EFR3B: variants seen among roughly 807,000 people sequenced by gnomAD.
EFR3B encodes the protein EFR3 homolog B.
A neutral mutation model predicts 104.7 loss-of-function variants in EFR3B; 64 were observed. That is an observed-to-expected ratio of 0.61 (90% CI 0.50 to 0.75). The LOEUF (loss-of-function observed/expected upper bound fraction) is 0.75. EFR3B is among the 30% of genes least tolerant of loss of function. The pLI, the probability that EFR3B is intolerant of heterozygous loss-of-function variation, is 0.00. For missense variants in EFR3B, 750 were observed against 1,078.5 expected (o/e 0.70, Z 4.27); for synonymous variants, 385 against 417.9 (o/e 0.92, Z 0.96).
In EFR3B at chr2:25,137,976, A is replaced by AC. The variant is rs1670564888; in HGVS notation, c.1722+474_1722+475insC. Reference sequence around the variant, plus strand: ...CACTTGAGGTCAGGAGTTCAAGACCAGCCTGGCCAACATGGTGAAACCCCG... The same window carrying AC: ...CACTTGAGGTCAGGAGTTCAAGACCACGCCTGGCCAACATGGTGAAACCCCG... On this transcript the variant is annotated intron_variant, in intron 15 of 22. Transcript: ENST00000403714. This position sits in a 1 kb window ranked among gnomAD's most constrained non-coding sequence, Gnocchi z 4.7. 1.3e-5 allele frequency among the ~76,000 whole-genome samples: 2 copies of AC among 152,128 alleles called. No individual in the cohort carries two copies. The highest frequency in any genetic ancestry group is 2.9e-5 in the Non-Finnish European group (2 of 68,016).
At chr2:25,145,120 C>T in intron 19 of EFR3B, 69 bp downstream of exon 19, 9 of 1,405,338 alleles carry the variant, frequency 6.4e-6, no homozygotes, top group Non-Finnish European at 8.9e-6. Flanking sequence ...CTCCAGGCTC[C>T]CCTGCCTGCA....
chr2:25,082,397 A>C (rs990539758), intron 1 of EFR3B, among the ~76,000 whole-genome samples: 1 of 152,132 alleles, frequency 6.6e-6, no homozygotes, highest in East Asian at 1.9e-4. Context: ...GCCTGGAGAG[A>C]GACTGGTCCC....
chr2:25,075,724 G>T (rs1353102576), intron 1 of EFR3B, among the ~76,000 whole-genome samples: 1 of 152,184 alleles, frequency 6.6e-6, no homozygotes, highest in Admixed American at 6.5e-5. Context: ...TAAGAGCCTA[G>T]GTTTAGTGCC....
rs1381533436 is a variant in EFR3B, at chr2:25,136,366, C to G, written c.1485-157C>G. 6.6e-6 allele frequency among the ~76,000 whole-genome samples: 1 copy of G among 152,132 alleles called. No homozygotes were observed. Among genetic ancestry groups the G allele is most frequent in the Non-Finnish European group, 1.5e-5 (1 of 68,030 alleles). The stretch of plus-strand genomic sequence containing the variant: ...AGATAAAGGGACAAATTCTTGAGAA[C>G]TTGGGAGGAAAAGGTAATCGGGCTG... On this transcript the variant is annotated intron_variant, in intron 13 of 22. Coordinates refer to ENST00000403714, the MANE Select transcript of EFR3B (RefSeq NM_014971.2). The surrounding 1 kb of genome is among the most constrained non-coding windows in gnomAD (Gnocchi z 4.0).
chr2:25,047,363 A>T (rs1667750764), intron 1 of EFR3B, among the ~76,000 whole-genome samples: 1 of 152,034 alleles, frequency 6.6e-6, no homozygotes, highest in African/African-American at 2.4e-5. Context: ...AGCATTTCTG[A>T]GCCTCTTTCC....
chr2:25,156,246 TTGTGGTCACCATCTCTGC>T lies in EFR3B; in HGVS notation c.*1912_*1929del, dbSNP rs1187226751. The T allele has an allele frequency of 6.6e-6, 1 of 152,016 alleles. No individual in the cohort carries two copies. Among genetic ancestry groups the T allele is most frequent in the Non-Finnish European group, 1.5e-5 (1 of 67,984 alleles). 9.4% of individuals were successfully genotyped at this position (152,016 alleles called of 1,614,324 possible). A position where few individuals can be genotyped will look rare whatever the true frequency, so the allele number is the denominator to read the frequency against. On this transcript the variant is annotated 3_prime_UTR_variant, in exon 23 of 23. Coordinates refer to ENST00000403714, the MANE Select transcript of EFR3B (RefSeq NM_014971.2). ...TTGGCACTTCAAATGAAGCTCTTCC[TTGTGGTCACCATCTCTGC>T]TGTGGGCACACAGCTTCTTTTTCTT...
At chr2:25,151,801 C>G (rs1671016578) in intron 20 of EFR3B, 113 bp from the exon 21 acceptor site, 2 of 1,245,796 alleles carry the variant, frequency 1.6e-6, no homozygotes, top group Non-Finnish European at 1.1e-6. Context: ...GTCCCCTACT[C>G]TTCAGAAGAG....
At chr2:25,079,826 A>G (rs920255789) in intron 1 of EFR3B, 7 of 804,514 alleles carry the variant, frequency 8.7e-6, no homozygotes, top group African/African-American at 1.7e-5. Flanking sequence ...ACCAAAAAGA[A>G]CAATAACACA....
chr2:25,088,775 C>A (rs1669030055), intron 1 of EFR3B, among the ~76,000 whole-genome samples: 1 of 152,186 alleles, frequency 6.6e-6, no homozygotes, highest in Non-Finnish European at 1.5e-5. Context: ...AGGATTTGAC[C>A]TGAGAGCCCA....
chr2:25,081,139 G>T (rs1668791576), intron 1 of EFR3B: 2 of 701,026 alleles, frequency 2.9e-6, no homozygotes, highest in South Asian at 3.2e-5. Context: ...TTCAGTGCTT[G>T]ATTGCATATT....
chr2:25,053,821 C>T (rs1254122431), intron 1 of EFR3B, among the ~76,000 whole-genome samples: 3 of 152,152 alleles, frequency 2.0e-5, no homozygotes, highest in Admixed American at 6.5e-5. Flanking sequence ...GCAGGAGAAT[C>T]GCTTGAATCT....
rs1446298731 is a variant in EFR3B at position 25,130,869 on chromosome 2, A to G, written c.849+239A>G. Among the ~76,000 whole-genome samples, 1 of 152,258 alleles carries G rather than the reference A, an allele frequency of 6.6e-6. No homozygotes were observed. Among genetic ancestry groups the G allele is most frequent in the African/African-American group, 2.4e-5 (1 of 41,462 alleles). On this transcript the variant is annotated intron_variant, in intron 8 of 22. Transcript: ENST00000403714. This position sits in a 1 kb window ranked among gnomAD's most constrained non-coding sequence, Gnocchi z 4.6. ...CAAATAATTTCTAGAAAAATTAAAT[A>G]AAAAACTCATGCAAAATGCAAGCCT...
intron 1 of EFR3B, among the ~76,000 whole-genome samples, chr2:25,050,982 T>C (rs1667851125): frequency 6.6e-6 from 1 of 152,218 alleles, no homozygotes; most frequent in Non-Finnish European, 1.5e-5. Flanking sequence ...TTGGTCCAAA[T>C]GCGAGTTTGT....
Position 25,132,069 on chromosome 2 carries a change from G to A in EFR3B, c.1147+158G>A, listed in dbSNP as rs566355818. 1.1e-4 allele frequency among the ~76,000 whole-genome samples: 17 copies of A among 150,736 alleles called. No homozygotes were observed. In the East Asian group the frequency reaches 3.1e-3, roughly 28 times the overall value. On this transcript the variant is annotated intron_variant, in intron 10 of 22. Transcript: ENST00000403714. ...GGACCCTGGAAAGGGGCGGGGCACC[G>A]GGGGCGGCCCGGGGATGGGGGTTGG...
At chr2:25,103,410 G>C (rs1008976868) in intron 3 of EFR3B, among the ~76,000 whole-genome samples, 66 of 152,222 alleles carry the variant, frequency 4.3e-4, no homozygotes, top group African/African-American at 1.6e-3. Context: ...GGAGGGGCTG[G>C]ATGAGTTGGT....
In EFR3B at chr2:25,042,269, G is replaced by A; in HGVS notation, c.-44G>A. 3.8e-6 allele frequency: 5 copies of A among 1,311,100 alleles called. No individual in the cohort carries two copies. The highest frequency in any genetic ancestry group is 2.1e-5 in the South Asian group (1 of 48,016). The allele number at this position is 1,311,100 out of a possible 1,614,324, so 81.2% of individuals were successfully genotyped here. On this transcript the variant is annotated 5_prime_UTR_variant, in exon 1 of 23. Transcript: ENST00000403714. This position sits in a 1 kb window ranked among gnomAD's most constrained non-coding sequence, Gnocchi z 5.4. ...GCGCCGCCGAGGGCTGGCTGGGAAC[G>A]CCGCAGCGACGCCGGCCTCTCGAGA...
intron 1 of EFR3B, among the ~76,000 whole-genome samples, chr2:25,068,830 CG>C (rs1668409794): frequency 6.6e-6 from 1 of 151,812 alleles, no homozygotes; most frequent in Non-Finnish European, 1.5e-5. Context: ...GGGGTTTCAC[CG>C]TGTTAGCCAG....
Position 25,144,987 on chromosome 2 carries a change from G to A in EFR3B, c.2078G>A (p.Ser693Asn), listed in dbSNP as rs1663173927. Reference protein sequence around the residue: ...TDEDRLSKRRSIGETISLQVE... With the variant: ...TDEDRLSKRRNIGETISLQVE... ...GAGGATCGTTTATCCAAGAGGAGGA[G>A]CATTGGAGAGACCATCTCCCTGCAG... Residue 693 changes from serine (S) to asparagine (N), a missense_variant, in exon 19 of 23, where the codon AGC becomes AAC. Transcript: ENST00000403714. The A allele has an allele frequency of 6.4e-7, 1 of 1,551,758 alleles. No homozygotes were observed. Among genetic ancestry groups the A allele is most frequent in the Non-Finnish European group, 8.7e-7 (1 of 1,147,006 alleles).
In EFR3B at chr2:25,157,511, T is replaced by G. The variant is rs1671205762; in HGVS notation, c.*3171T>G. On this transcript the variant is annotated 3_prime_UTR_variant, in exon 23 of 23. Transcript: ENST00000403714. ...GCATTGTGCCCCTTTTTGCCACCCTTCTCTGATGTGATTTTGAGCGAAGAG... is the reference window on the plus strand; with the variant it reads ...GCATTGTGCCCCTTTTTGCCACCCTGCTCTGATGTGATTTTGAGCGAAGAG... The G allele has an allele frequency of 1.3e-5, 2 of 152,346 alleles. No individual in the cohort carries two copies. The highest frequency in any genetic ancestry group is 6.5e-5 in the Admixed American group (1 of 15,296). 9.4% of individuals were successfully genotyped at this position (152,346 alleles called of 1,614,324 possible).
Sources: allele counts gnomAD v4.1 joint callset (sites outside exome capture counted in the v4.1 genomes callset), GRCh38; gene constraint gnomAD v4.1.1; non-coding constraint Gnocchi (gnomAD v3.1); transcripts MANE v1.5; gene names NCBI Gene and HGNC (gene_info 2026-07-23, HGNC 2026-07-21).